ADAMTSL1: variants seen among roughly 807,000 people sequenced by gnomAD.
ADAMTSL1 encodes the protein ADAMTS-like protein 1.
In ADAMTSL1, 126 loss-of-function variants were observed where a neutral mutation model predicts 201.8. The observed-to-expected ratio is 0.62, with a 90% confidence interval of 0.54 to 0.72. The LOEUF is 0.72. ADAMTSL1 is among the 30% of genes least tolerant of loss of function. The probability of loss-of-function intolerance (pLI) is 0.00; values close to 1 mark genes in which losing one functional copy is unlikely to be tolerated. For missense variants in ADAMTSL1, 2,679 were observed against 2,277.8 expected, an observed-to-expected ratio of 1.18 and a Z score of -3.59; for synonymous variants, 1,121 against 903.4, an observed-to-expected ratio of 1.24 and a Z score of -4.32.
intron 1 of ADAMTSL1, among the ~76,000 whole-genome samples, chr9:18,025,894 GT>G (rs1325078027): frequency 6.6e-6 from 1 of 152,038 alleles, no homozygotes; most frequent in African/African-American, 2.4e-5. Context: ...AGCATGGAAT[GT>G]TTTTCCATTT....
intron 2 of ADAMTSL1, among the ~76,000 whole-genome samples, chr9:18,460,720 A>C (rs559169992): frequency 6.6e-5 from 10 of 152,296 alleles, no homozygotes; most frequent in African/African-American, 1.9e-4. Context: ...GACCAATGAA[A>C]ATACTGCATT....
intron 2 of ADAMTSL1, among the ~76,000 whole-genome samples, chr9:18,320,430 T>C (rs1054971702): frequency 2.6e-5 from 4 of 152,100 alleles, no homozygotes; most frequent in Non-Finnish European, 5.9e-5. Context: ...CCTTCATAAA[T>C]GAAAGTGAAA....
intron 2 of ADAMTSL1, among the ~76,000 whole-genome samples, chr9:18,383,285 C>G (rs1271933447): frequency 6.6e-6 from 1 of 152,108 alleles, no homozygotes; most frequent in Non-Finnish European, 1.5e-5. Flanking sequence ...TCTGTAGACA[C>G]TGCTTTTGGC....
chr9:18,630,864 C>T (rs1434936333), intron 5 of ADAMTSL1, among the ~76,000 whole-genome samples: 1 of 152,154 alleles, frequency 6.6e-6, no homozygotes, highest in Non-Finnish European at 1.5e-5. Flanking sequence ...CAGTTAAGCA[C>T]CTGTAATTCT....
intron 1 of ADAMTSL1, among the ~76,000 whole-genome samples, chr9:18,004,907 C>G (rs1351383116): frequency 6.6e-6 from 1 of 152,046 alleles, no homozygotes; most frequent in Non-Finnish European, 1.5e-5. Context: ...TTAAAAATAT[C>G]TAATTCTACC....
At chr9:18,723,281 A>T in intron 15 of ADAMTSL1, 1 of 589,606 alleles carries the variant, frequency 1.7e-6, no homozygotes, top group Non-Finnish European at 3.0e-6. Context: ...CATTCCTGTA[A>T]TTTCTGTTCT....
chr9:18,001,934 G>A (rs1431388495), intron 1 of ADAMTSL1, among the ~76,000 whole-genome samples: 1 of 151,956 alleles, frequency 6.6e-6, no homozygotes, highest in Non-Finnish European at 1.5e-5. Flanking sequence ...GAATGGGAGG[G>A]AAGGAAGTTG....
chr9:18,511,209 C>G (rs1564007471), intron 2 of ADAMTSL1, among the ~76,000 whole-genome samples: 1 of 151,892 alleles, frequency 6.6e-6, no homozygotes, highest in African/African-American at 2.4e-5. Context: ...CTTCTGAGAC[C>G]TTTTTTACTT....
At chr9:18,648,656 T>C (rs1827982342) in intron 7 of ADAMTSL1, among the ~76,000 whole-genome samples, 1 of 151,916 alleles carries the variant, frequency 6.6e-6, no homozygotes, top group Admixed American at 6.6e-5. Context: ...AAGCTTAGTT[T>C]GGCTGGATAT....
At chr9:18,342,566 T>C (rs1835513099) in intron 2 of ADAMTSL1, among the ~76,000 whole-genome samples, 1 of 152,162 alleles carries the variant, frequency 6.6e-6, no homozygotes, top group East Asian at 1.9e-4. Context: ...AACGTATGTA[T>C]ATGTTTTAAG....
chr9:17,989,228 CA>C (rs1563936233), intron 1 of ADAMTSL1, among the ~76,000 whole-genome samples: 1 of 151,832 alleles, frequency 6.6e-6, no homozygotes, highest in East Asian at 1.9e-4. Context: ...CTCCTTTAGG[CA>C]CTTACAAATT....
At chr9:18,243,155 A>G (rs1035122671) in intron 2 of ADAMTSL1, among the ~76,000 whole-genome samples, 1 of 152,174 alleles carries the variant, frequency 6.6e-6, no homozygotes, top group African/African-American at 2.4e-5. Context: ...GTGGAACACA[A>G]TAGAGTCCAG....
chr9:18,412,549 C>G (rs537569331), intron 2 of ADAMTSL1, among the ~76,000 whole-genome samples: 1 of 152,236 alleles, frequency 6.6e-6, no homozygotes, highest in Admixed American at 6.5e-5. Context: ...CATTCTTTTC[C>G]TTTATTTGTC....
chr9:18,560,937 CT>C (rs1372624179), intron 3 of ADAMTSL1, among the ~76,000 whole-genome samples: 4 of 99,682 alleles, frequency 4.0e-5, no homozygotes, highest in South Asian at 6.1e-4. Context: ...TTTCGTTAAT[CT>C]TTAAAAAAAA....
chr9:18,870,455 C>T (rs193154351), intron 23 of ADAMTSL1, among the ~76,000 whole-genome samples: 1 of 152,316 alleles, frequency 6.6e-6, no homozygotes, highest in East Asian at 1.9e-4. Flanking sequence ...GTTCTTTTAG[C>T]TTCTACCTGC....
intron 1 of ADAMTSL1, among the ~76,000 whole-genome samples, chr9:18,050,100 AT>A (rs1821865538): frequency 6.6e-6 from 1 of 152,180 alleles, no homozygotes; most frequent in Admixed American, 6.5e-5. Context: ...TAATGTTTGG[AT>A]TTTCTTACAA....
rs1824193520 is a variant in ADAMTSL1 at position 18,095,214 on chromosome 9, A to AC, written c.88-68648_88-68647insC. 2.6e-5 allele frequency among the ~76,000 whole-genome samples: 4 copies of AC among 152,266 alleles called. No individual in the cohort carries two copies. In the South Asian group the frequency reaches 8.3e-4, roughly 32 times the overall value. Reference sequence around the variant, plus strand: ...CATCTTACACACATGCTCTGATGAAAACACTGCATCAGAAAGGGCTCACAG... The same window carrying AC: ...CATCTTACACACATGCTCTGATGAAACACACTGCATCAGAAAGGGCTCACAG... On this transcript the variant is annotated intron_variant, in intron 1 of 29. Transcript: ENST00000680146.
intron 20 of ADAMTSL1, among the ~76,000 whole-genome samples, chr9:18,814,245 T>C (rs1823695265): frequency 6.6e-6 from 1 of 152,256 alleles, no homozygotes; most frequent in South Asian, 2.1e-4. Flanking sequence ...AACTTCTTCA[T>C]GGTGAACAAT....
At chr9:17,969,613 T>C (rs577696960) in intron 1 of ADAMTSL1, among the ~76,000 whole-genome samples, 1 of 152,196 alleles carries the variant, frequency 6.6e-6, no homozygotes, top group South Asian at 2.1e-4. Flanking sequence ...TTGTTTTCTA[T>C]AAAATGAGAT....
Sources: allele counts gnomAD v4.1 joint callset (sites outside exome capture counted in the v4.1 genomes callset), GRCh38; gene constraint gnomAD v4.1.1; transcripts MANE v1.5; gene names NCBI Gene and HGNC (gene_info 2026-07-23, HGNC 2026-07-21).